The following GARIN2 variants were observed in gnomAD, a reference collection of about 807,000 sequenced individuals.
The protein encoded by GARIN2 is golgi associated RAB2 interactor family member 2, also known as Golgi-associated RAB2 interactor protein 2.
chr14:67,225,967 G>A, the GARIN2 span, among the ~76,000 whole-genome samples: 4 of 147,794 alleles, frequency 2.7e-5, no homozygotes, highest in Non-Finnish European at 4.5e-5. Flanking sequence ...GTGTGTGCGC[G>A]CGCGCGCGTG....
At chr14:67,225,962 T>TGTGTGTGTGTGTGTGTGCGC in the GARIN2 span, among the ~76,000 whole-genome samples, 3 of 113,490 alleles carry the variant, frequency 2.6e-5, no homozygotes, top group Non-Finnish European at 3.2e-5. Context: ...TGTGTGTGTG[T>TGTGTGTGTGTGTGTGTGCGC]GCGCGCGCGC....
the GARIN2 span, chr14:67,224,648 A>G: frequency 3.3e-6 from 1 of 307,130 alleles, no homozygotes; most frequent in South Asian, 2.6e-5. Flanking sequence ...CAGTGAGCCC[A>G]AATTATGGGC....
the GARIN2 span, among the ~76,000 whole-genome samples, chr14:67,205,571 A>G: frequency 0.032 from 4,838 of 152,346 alleles, 103 homozygotes; most frequent in Middle Eastern, 0.051. Context: ...ATAATAAAAA[A>G]CAAAACAAAG....
At chr14:67,224,264 T>C in the GARIN2 span, among the ~76,000 whole-genome samples, 4 of 150,132 alleles carry the variant, frequency 2.7e-5, no homozygotes, top group Non-Finnish European at 5.9e-5. Context: ...CTTTTCTTTT[T>C]TTTTTTTTTT....
the GARIN2 span, among the ~76,000 whole-genome samples, chr14:67,196,557 A>G: frequency 2.0e-5 from 3 of 152,172 alleles, no homozygotes; most frequent in Non-Finnish European, 4.4e-5. Context: ...GATGTCAACA[A>G]AAGGTTTTCA....
the GARIN2 span, chr14:67,200,411 G>A: frequency 3.6e-6 from 2 of 558,888 alleles, no homozygotes; most frequent in Non-Finnish European, 3.2e-6. Context: ...AGCTCCTTGG[G>A]GCTAAGGCAC....
chr14:67,193,695 C>T, the GARIN2 span, among the ~76,000 whole-genome samples: 1 of 147,668 alleles, frequency 6.8e-6, no homozygotes, highest in African/African-American at 2.5e-5. Flanking sequence ...ATAATCCCAG[C>T]ACTTTGGGAG....
At chr14:67,224,047 T>C in the GARIN2 span, 3 of 931,316 alleles carry the variant, frequency 3.2e-6, no homozygotes, top group Non-Finnish European at 3.8e-6. Context: ...TGATTCACAT[T>C]CACCCAGCAA....
the GARIN2 span, chr14:67,203,050 A>G: frequency 6.3e-7 from 1 of 1,583,848 alleles, no homozygotes; most frequent in Non-Finnish European, 8.6e-7. Context: ...TGTCAAAGCC[A>G]CACATTTCAT....
At chr14:67,204,855 ACATGTCAG>A in the GARIN2 span, 1 of 1,613,910 alleles carries the variant, frequency 6.2e-7, no homozygotes. Flanking sequence ...CAGGCCCTGA[ACATGTCAG>A]GGACAGCATA....
At chr14:67,200,853 T>C in the GARIN2 span, among the ~76,000 whole-genome samples, 12 of 152,192 alleles carry the variant, frequency 7.9e-5, no homozygotes, top group African/African-American at 1.9e-4. Flanking sequence ...TTGTCCAACA[T>C]TGGGGGTAGT....
At chr14:67,196,223 CTTTT>C in the GARIN2 span, among the ~76,000 whole-genome samples, 2 of 143,118 alleles carry the variant, frequency 1.4e-5, no homozygotes, top group Non-Finnish European at 3.1e-5. Context: ...TTCTTTCTTT[CTTTT>C]TTTTTTTTGA....
At chr14:67,212,515 T>TG in the GARIN2 span, among the ~76,000 whole-genome samples, 1 of 149,558 alleles carries the variant, frequency 6.7e-6, no homozygotes, top group Non-Finnish European at 1.5e-5. Flanking sequence ...CACCTAATCC[T>TG]GGGGGGTTGA....
chr14:67,221,715 G>C, the GARIN2 span: 18 of 1,592,246 alleles, frequency 1.1e-5, no homozygotes, highest in Non-Finnish European at 1.5e-5. Flanking sequence ...ATATCTAGTA[G>C]ATCTTTTCTA....
the GARIN2 span, chr14:67,189,557 G>C: frequency 6.6e-6 from 1 of 152,168 alleles, no homozygotes; most frequent in Non-Finnish European, 1.5e-5. Context: ...ATCTATTTCA[G>C]CCCCACCTGT....
the GARIN2 span, chr14:67,225,205 G>C: frequency 6.5e-7 from 1 of 1,542,248 alleles, no homozygotes; most frequent in Non-Finnish European, 8.7e-7. Context: ...TGAATGTGAG[G>C]AAAGAAAAGT....
At chr14:67,192,922 G>T in the GARIN2 span, among the ~76,000 whole-genome samples, 1 of 142,044 alleles carries the variant, frequency 7.0e-6, no homozygotes, top group African/African-American at 2.6e-5. Flanking sequence ...AGATATATAT[G>T]TATATATAGA....
the GARIN2 span, among the ~76,000 whole-genome samples, chr14:67,197,859 G>A: frequency 6.6e-6 from 1 of 151,844 alleles, no homozygotes; most frequent in Non-Finnish European, 1.5e-5. Context: ...TTTACTATAT[G>A]TATCTGTTTT....
the GARIN2 span, among the ~76,000 whole-genome samples, chr14:67,195,471 G>T: frequency 6.6e-6 from 1 of 152,036 alleles, no homozygotes; most frequent in Admixed American, 6.6e-5. Context: ...CAGCCATGTG[G>T]CATATCCTGA....
Sources: gnomAD v4.1 joint callset for allele counts (sites outside exome capture counted in the v4.1 genomes callset) on GRCh38, gnomAD v4.1.1 for gene constraint, MANE v1.5 for transcripts, NCBI Gene and HGNC (gene_info 2026-07-23, HGNC 2026-07-21) for gene names.